Variants in CYREN observed in about 807,000 individuals in gnomAD.
The protein encoded by CYREN is cell cycle regulator of NHEJ, also known as cell cycle regulator of non-homologous end joining.
In CYREN, 7 loss-of-function variants were observed where a neutral mutation model predicts 9.7. The observed-to-expected ratio is 0.72, with a 90% CI of 0.41 to 1.36. CYREN has a LOEUF of 1.36. Ranked by LOEUF, CYREN falls within the 40% of genes most tolerant of loss-of-function variation. The probability of loss-of-function intolerance (pLI) is 0.01; values close to 1 mark genes in which losing one functional copy is unlikely to be tolerated. For missense variants in CYREN, 215 were observed against 198.1 expected (o/e 1.09, Z -0.51); for synonymous variants, 76 against 77.9 (o/e 0.98, Z 0.13).
chr7:135,101,450 T>A (rs1213038980), intron 2 of CYREN, among the ~76,000 whole-genome samples: 1 of 152,164 alleles, frequency 6.6e-6, no homozygotes, highest in African/African-American at 2.4e-5. Context: ...ATTTAATTTG[T>A]ATATGAGTTG....
chr7:135,131,771 A>C (rs1182164122), intron 2 of CYREN, among the ~76,000 whole-genome samples: 1 of 152,120 alleles, frequency 6.6e-6, no homozygotes, highest in Non-Finnish European at 1.5e-5. Flanking sequence ...GGTTGTTTGA[A>C]CAGATCAATA....
intron 2 of CYREN, chr7:135,134,724 T>C (rs1444196861): frequency 1.0e-6 from 1 of 987,346 alleles, no homozygotes; most frequent in Non-Finnish European, 1.4e-6. Flanking sequence ...TTCTTAAACT[T>C]TAAGAAGTTA....
intron 2 of CYREN, among the ~76,000 whole-genome samples, chr7:135,122,744 C>CAGATGACG (rs1827318268): frequency 6.6e-6 from 1 of 152,118 alleles, no homozygotes; most frequent in Non-Finnish European, 1.5e-5. Flanking sequence ...AGGAGTGAAC[C>CAGATGACG]AGATGACGAG....
chr7:135,118,585 A>T (rs979084135), intron 2 of CYREN, among the ~76,000 whole-genome samples: 5 of 152,220 alleles, frequency 3.3e-5, no homozygotes, highest in African/African-American at 1.2e-4. Context: ...CCAGAGTCTC[A>T]TAACATAATA....
intron 2 of CYREN, among the ~76,000 whole-genome samples, chr7:135,120,299 A>G (rs1366264370): frequency 6.6e-6 from 1 of 152,248 alleles, no homozygotes. Flanking sequence ...TATACATAAA[A>G]GACATATTTA....
chr7:135,108,797 C>T (rs1825162637), intron 2 of CYREN, among the ~76,000 whole-genome samples: 1 of 152,042 alleles, frequency 6.6e-6, no homozygotes, highest in South Asian at 2.1e-4. Context: ...TTTGCTTTTT[C>T]CCTGTCCCTT....
chr7:135,102,625 G>GTT lies in CYREN; in HGVS notation n.357-8045_357-8044dup, dbSNP rs57957640. 9.9e-4 allele frequency among the ~76,000 whole-genome samples: 144 copies of GTT among 145,050 alleles called. 1 individual carries two copies. The highest frequency in any genetic ancestry group is 3.6e-3 in the Admixed American group (53 of 14,598). On this transcript the variant is annotated intron_variant and non_coding_transcript_variant, in intron 2 of 2. Coordinates refer to the CYREN transcript ENST00000459937. ...GAGAACTTTGGTCCTTTCTCTTGTGGTTTTTTTTTTTTCATTGCTCTAATG... is the reference window on the plus strand; with the variant it reads ...GAGAACTTTGGTCCTTTCTCTTGTGGTTTTTTTTTTTTTTCATTGCTCTAATG...
At chr7:135,126,538 C>G (rs548459004) in intron 2 of CYREN, among the ~76,000 whole-genome samples, 1 of 152,304 alleles carries the variant, frequency 6.6e-6, no homozygotes, top group East Asian at 1.9e-4. Flanking sequence ...GAAAAAACTA[C>G]TTTAAATTTC....
rs1400854295 is a variant in CYREN at position 135,168,910 on chromosome 7, G to T, written c.13C>A (p.Gln5Lys). 6.2e-7 allele frequency: 1 copy of T among 1,609,386 alleles called. No individual in the cohort carries two copies. Among genetic ancestry groups the T allele is most frequent in the Admixed American group, 1.7e-5 (1 of 59,332 alleles). The change falls in exon 2 of 4, where the codon CAA (glutamine) becomes AAA (lysine). Residue 5 changes from glutamine to lysine, a missense_variant. Coordinates refer to ENST00000393114, the MANE Select transcript of CYREN (RefSeq NM_024033.4). Reference sequence around the variant, plus strand: ...AGGACCCTCGTTTTAGTCTCGGATTGTAAGGTTTCCATCTCTGTACCTTCT... The same window carrying T: ...AGGACCCTCGTTTTAGTCTCGGATTTTAAGGTTTCCATCTCTGTACCTTCT... METL[Q>K]SETKTRVLPS...
intron 2 of CYREN, chr7:135,134,725 TAAG>T: frequency 5.0e-6 from 5 of 990,216 alleles, no homozygotes; most frequent in Non-Finnish European, 7.2e-6. Context: ...TCTTAAACTT[TAAG>T]AAGTTATGAA....
intron 2 of CYREN, among the ~76,000 whole-genome samples, chr7:135,154,884 GTTTC>G: frequency 6.6e-6 from 1 of 152,240 alleles, no homozygotes. Context: ...TAAGTACAAT[GTTTC>G]TTTGTTAATT....
chr7:135,138,521 T>TA (rs1309534284), intron 2 of CYREN, among the ~76,000 whole-genome samples: 1 of 151,452 alleles, frequency 6.6e-6, no homozygotes, highest in African/African-American at 2.4e-5. Flanking sequence ...AATTCAAGGG[T>TA]AAAAAAGAGG....
At chr7:135,163,129 G>T (rs997927716), downstream of CYREN, among the ~76,000 whole-genome samples, 3 of 152,166 alleles carry the variant, frequency 2.0e-5, no homozygotes, top group Non-Finnish European at 4.4e-5. Context: ...ATAGTGTAAT[G>T]GATGATCCCA....
At position 135,168,989 on chromosome 7, in the gene CYREN, G is replaced by A; in HGVS notation, c.-67C>T. On this transcript the variant is annotated 5_prime_UTR_variant, in exon 2 of 4. Transcript: ENST00000393114. Reference sequence around the variant, plus strand: ...ATGACCTGTTTTTTAATTCAGGAAGGTAAATCTCGTTCTCTCGTCACACCC... The same window carrying A: ...ATGACCTGTTTTTTAATTCAGGAAGATAAATCTCGTTCTCTCGTCACACCC... The A allele has an allele frequency of 6.9e-7, 1 of 1,438,884 alleles. No homozygotes were observed. Among genetic ancestry groups the A allele is most frequent in the Non-Finnish European group, 9.3e-7 (1 of 1,074,372 alleles). 89.1% of individuals were successfully genotyped at this position (1,438,884 alleles called of 1,614,324 possible).
chr7:135,103,393 C>G (rs573159879), intron 2 of CYREN, among the ~76,000 whole-genome samples: 1 of 152,264 alleles, frequency 6.6e-6, no homozygotes, highest in South Asian at 2.1e-4. Flanking sequence ...TCACAACTAT[C>G]AATAATCTGT....
chr7:135,141,486 T>A (rs1829451870), intron 2 of CYREN, among the ~76,000 whole-genome samples: 1 of 152,146 alleles, frequency 6.6e-6, no homozygotes, highest in South Asian at 2.1e-4. Context: ...ATTCTATTTA[T>A]TCTTTCAAAA....
At chr7:135,133,138 CAAGAT>C (rs1829028843) in intron 2 of CYREN, among the ~76,000 whole-genome samples, 2 of 151,748 alleles carry the variant, frequency 1.3e-5, no homozygotes, top group Non-Finnish European at 2.9e-5. Flanking sequence ...CCTCAGAATA[CAAGAT>C]AAATGTACAA....
intron 2 of CYREN, among the ~76,000 whole-genome samples, chr7:135,118,187 T>C (rs1390755697): frequency 6.6e-6 from 1 of 152,204 alleles, no homozygotes; most frequent in East Asian, 1.9e-4. Flanking sequence ...CTAGCTTGAA[T>C]TGGTTTCTGT....
intron 2 of CYREN, among the ~76,000 whole-genome samples, chr7:135,098,119 G>C (rs919406906): frequency 2.0e-5 from 3 of 152,134 alleles, no homozygotes; most frequent in African/African-American, 7.2e-5. Context: ...TAGGTCTACA[G>C]ATACAAAGTG....
Sources: gnomAD v4.1 joint callset for allele counts (sites outside exome capture counted in the v4.1 genomes callset) on GRCh38, gnomAD v4.1.1 for gene constraint, MANE v1.5 for transcripts, NCBI Gene and HGNC (gene_info 2026-07-23, HGNC 2026-07-21) for gene names.